The following IGF2BP2 variants were observed in gnomAD, a reference collection of about 807,000 sequenced individuals.
IGF2BP2 encodes the protein insulin like growth factor 2 mRNA binding protein 2, also known as insulin-like growth factor 2 mRNA-binding protein 2.
In IGF2BP2, 17 loss-of-function variants were observed where a neutral mutation model predicts 75.8. The ratio of observed to expected loss-of-function variants is 0.22; its 90% CI spans 0.15 to 0.34. The LOEUF is 0.34. Ranked by LOEUF, IGF2BP2 falls within the 10% of genes least tolerant of loss-of-function variation. The pLI is 1.00. For synonymous variants in IGF2BP2, 288 were observed against 295.6 expected, an observed-to-expected ratio of 0.97 and a Z score of 0.26; for missense variants, 516 against 772.4, an observed-to-expected ratio of 0.67 and a Z score of 3.93.
At chr3:185,756,013 G>A (rs1731571027) in intron 2 of IGF2BP2, among the ~76,000 whole-genome samples, 1 of 152,104 alleles carries the variant, frequency 6.6e-6, no homozygotes, top group South Asian at 2.1e-4. Flanking sequence ...TTGGATGATG[G>A]CCCCTCCAAA....
intron 2 of IGF2BP2, among the ~76,000 whole-genome samples, chr3:185,818,273 A>T (rs902668911): frequency 1.3e-5 from 2 of 152,184 alleles, no homozygotes; most frequent in Non-Finnish European, 2.9e-5. Flanking sequence ...CTTTTGTGAC[A>T]GGGGATAGCC....
chr3:185,663,157 G>A (rs563915684), intron 10 of IGF2BP2, among the ~76,000 whole-genome samples: 1 of 152,368 alleles, frequency 6.6e-6, no homozygotes, highest in African/African-American at 2.4e-5. Context: ...GGGATAGGGA[G>A]GTTGGTAGGG....
At chr3:185,742,735 ATG>A (rs1335716279) in intron 2 of IGF2BP2, among the ~76,000 whole-genome samples, 2 of 152,222 alleles carry the variant, frequency 1.3e-5, no homozygotes, top group Non-Finnish European at 2.9e-5. Context: ...GGTTAGAACA[ATG>A]TGTGAAGTAC....
Position 185,779,038 on chromosome 3 carries a change from T to C in IGF2BP2, c.239+44115A>G, listed in dbSNP as rs555280081. ...TCTCTTGAAAAAGGAAGGCTGAGGG[T>C]GATTTGACTGAGCTGCTAAGGTAGG... On this transcript the variant is annotated intron_variant, in intron 2 of 15. Transcript: ENST00000382199. Among the ~76,000 whole-genome samples, 19 of 151,948 alleles carry C rather than the reference T, an allele frequency of 1.3e-4. No homozygotes were observed. The South Asian group carries it at 3.5e-3, about 28-fold the overall frequency.
chr3:185,777,852 G>A (rs1734710645), intron 2 of IGF2BP2, among the ~76,000 whole-genome samples: 1 of 152,100 alleles, frequency 6.6e-6, no homozygotes, highest in Non-Finnish European at 1.5e-5. Flanking sequence ...GACCAACCCG[G>A]TCAACATGGT....
intron 10 of IGF2BP2, among the ~76,000 whole-genome samples, chr3:185,660,902 T>C (rs1275538032): frequency 5.3e-5 from 8 of 152,214 alleles, no homozygotes; most frequent in African/African-American, 1.9e-4. Flanking sequence ...AACTATGATT[T>C]GCCATTTCCT....
At chr3:185,649,963 G>A (rs1158931307) in intron 13 of IGF2BP2, among the ~76,000 whole-genome samples, 1 of 152,210 alleles carries the variant, frequency 6.6e-6, no homozygotes, top group African/African-American at 2.4e-5. Context: ...GGAGGTGATG[G>A]TGGTGGTAAT....
chr3:185,731,642 T>C (rs955490636), intron 2 of IGF2BP2, among the ~76,000 whole-genome samples: 3 of 152,246 alleles, frequency 2.0e-5, no homozygotes, highest in African/African-American at 7.2e-5. Flanking sequence ...AGGACCCAAT[T>C]TCTTATCGGT....
intron 2 of IGF2BP2, among the ~76,000 whole-genome samples, chr3:185,705,337 C>T (rs1031000205): frequency 1.3e-5 from 2 of 151,958 alleles, no homozygotes; most frequent in Non-Finnish European, 2.9e-5. Flanking sequence ...CCTCGTGATC[C>T]GCCTGCCTCA....
chr3:185,769,074 G>A (rs762335846), intron 2 of IGF2BP2, among the ~76,000 whole-genome samples: 6 of 152,072 alleles, frequency 3.9e-5, no homozygotes, highest in Non-Finnish European at 7.4e-5. Flanking sequence ...GGGGCGCGGT[G>A]GTCCACGCCT....
intron 2 of IGF2BP2, among the ~76,000 whole-genome samples, chr3:185,719,123 A>T (rs934896251): frequency 6.6e-6 from 1 of 152,202 alleles, no homozygotes; most frequent in Admixed American, 6.5e-5. Flanking sequence ...GGAGAGACAG[A>T]TGAATACTAA....
At chr3:185,719,256 GA>G (rs1726134359) in intron 2 of IGF2BP2, among the ~76,000 whole-genome samples, 1 of 152,178 alleles carries the variant, frequency 6.6e-6, no homozygotes, top group Non-Finnish European at 1.5e-5. Context: ...TTATTTGTGA[GA>G]TAAGGATAGT....
intron 2 of IGF2BP2, among the ~76,000 whole-genome samples, chr3:185,701,289 C>T (rs1267004487): frequency 1.4e-5 from 2 of 143,666 alleles, no homozygotes; most frequent in African/African-American, 2.6e-5. Context: ...CTTTAAAAAA[C>T]GAACAATGAA....
At chr3:185,813,621 C>A (rs948863572) in intron 2 of IGF2BP2, among the ~76,000 whole-genome samples, 1 of 152,218 alleles carries the variant, frequency 6.6e-6, no homozygotes, top group South Asian at 2.1e-4. Context: ...AACTGCACTT[C>A]AGGGGAAAAA....
rs1283337591 is a variant in IGF2BP2 at position 185,643,161 on chromosome 3, C to T, written c.*2370G>A. 6.6e-6 allele frequency among the ~76,000 whole-genome samples: 1 copy of T among 152,148 alleles called. No homozygotes were observed. The highest frequency in any genetic ancestry group is 1.5e-5 in the Non-Finnish European group (1 of 68,040). ...GTATGACTCATTTTATTGCAAAGTT[C>T]GCTTTACTGTGGTGGTCTGGAACTG... On this transcript the variant is annotated 3_prime_UTR_variant, in exon 16 of 16. Coordinates refer to ENST00000382199, the MANE Select transcript of IGF2BP2 (RefSeq NM_006548.6).
intron 2 of IGF2BP2, among the ~76,000 whole-genome samples, chr3:185,768,361 T>C (rs553928651): frequency 6.6e-6 from 1 of 152,252 alleles, no homozygotes; most frequent in Admixed American, 6.5e-5. Flanking sequence ...GGTGTCACGA[T>C]GCTGAGCTAA....
chr3:185,693,543 GA>G (rs1289214923), intron 4 of IGF2BP2, among the ~76,000 whole-genome samples: 3 of 152,162 alleles, frequency 2.0e-5, no homozygotes, highest in Non-Finnish European at 4.4e-5. Context: ...GGCTAAAAGA[GA>G]AAGTATAAAC....
chr3:185,701,399 A>C (rs891856251), intron 2 of IGF2BP2, among the ~76,000 whole-genome samples: 1 of 151,452 alleles, frequency 6.6e-6, no homozygotes, highest in African/African-American at 2.4e-5. Flanking sequence ...AAAGAAAGAA[A>C]GAAGAAAAAA....
chr3:185,672,405 A>T, intron 10 of IGF2BP2, 136 bp downstream of exon 10: 1 of 854,708 alleles, frequency 1.2e-6, no homozygotes, highest in South Asian at 2.0e-5. Flanking sequence ...TGTTGAGTTC[A>T]ACCTACATTG....
Sources: gnomAD v4.1 joint callset for allele counts (sites outside exome capture counted in the v4.1 genomes callset) on GRCh38, gnomAD v4.1.1 for gene constraint, MANE v1.5 for transcripts, NCBI Gene and HGNC (gene_info 2026-07-23, HGNC 2026-07-21) for gene names.